CYRIB: variants seen among roughly 807,000 people sequenced by gnomAD.
CYRIB encodes CYFIP-related Rac1 interactor B.
Under a neutral mutation model 44.2 loss-of-function variants are expected in CYRIB, and 8 were observed. The ratio of observed to expected loss-of-function variants is 0.18; its 90% CI spans 0.11 to 0.33. The LOEUF (loss-of-function observed/expected upper bound fraction) is 0.33. Among genes scored for constraint, CYRIB ranks in the 10% least tolerant of loss-of-function variants. CYRIB has a pLI of 1.00. For missense variants in CYRIB, 185 were observed against 382.8 expected (o/e 0.48, Z 4.31); for synonymous variants, 131 against 127.2 (o/e 1.03, Z -0.20).
At chr8:129,857,951 G>A (rs1587490221) in intron 5 of CYRIB, among the ~76,000 whole-genome samples, 3 of 152,336 alleles carry the variant, frequency 2.0e-5, no homozygotes, top group East Asian at 1.9e-4. Context: ...GAGTCAGGTC[G>A]CTTGACTAAG....
intron 1 of CYRIB, among the ~76,000 whole-genome samples, chr8:129,927,775 A>C (rs2088779757): frequency 6.6e-6 from 1 of 152,242 alleles, no homozygotes; most frequent in Non-Finnish European, 1.5e-5. Flanking sequence ...AAGCTACAGT[A>C]ATCAAGCCAT....
In CYRIB at chr8:129,842,284, T is replaced by C. The variant is rs76219259; in HGVS notation, c.912-79A>G. The C allele has an allele frequency of 2.8e-4, 285 of 1,009,552 alleles. No individual in the cohort carries two copies. In the East Asian group the frequency reaches 5.8e-3, roughly 21 times the overall value. 62.5% of individuals were successfully genotyped at this position (1,009,552 alleles called of 1,614,324 possible). A position where few individuals can be genotyped will look rare whatever the true frequency, so the allele number is the denominator to read the frequency against. ...ATCGGGTTCTCTAATTATGACAGGA[T>C]GGAGAATTGGTCTCAGCAAAACTCA... is the stretch of plus-strand genomic sequence containing the variant. On this transcript the variant is annotated intron_variant, in intron 11 of 11. Coordinates refer to ENST00000519824, the Ensembl canonical transcript of CYRIB.
chr8:129,869,257 A>G (rs1417186278), intron 4 of CYRIB, among the ~76,000 whole-genome samples: 1 of 151,198 alleles, frequency 6.6e-6, no homozygotes, highest in Non-Finnish European at 1.5e-5. Context: ...ATGGTGGTGC[A>G]TGCCTGTAAT....
At chr8:129,914,367 A>G (rs1202080386) in intron 1 of CYRIB, among the ~76,000 whole-genome samples, 1 of 152,206 alleles carries the variant, frequency 6.6e-6, no homozygotes, top group East Asian at 1.9e-4. Flanking sequence ...AACATAAGAG[A>G]GTGGTTATGG....
At chr8:129,993,119 G>A (rs958616933) in intron 1 of CYRIB, among the ~76,000 whole-genome samples, 7 of 152,126 alleles carry the variant, frequency 4.6e-5, no homozygotes, top group Non-Finnish European at 1.0e-4. Flanking sequence ...CACCGGGCAC[G>A]GTGGCTCACG....
chr8:129,928,501 A>T (rs1369365200), intron 1 of CYRIB, among the ~76,000 whole-genome samples: 1 of 152,052 alleles, frequency 6.6e-6, no homozygotes, highest in Non-Finnish European at 1.5e-5. Context: ...CATTTCACCG[A>T]AACAGATGGA....
At chr8:129,970,559 G>A (rs1564509268) in intron 2 of CYRIB, 1 of 151,116 alleles carries the variant, frequency 6.6e-6, no homozygotes, top group Non-Finnish European at 1.5e-5. Flanking sequence ...AGTAAATTTT[G>A]TATTTTTAGT....
intron 2 of CYRIB, among the ~76,000 whole-genome samples, chr8:129,964,777 A>T (rs1564462071): frequency 6.6e-6 from 1 of 152,208 alleles, no homozygotes; most frequent in Non-Finnish European, 1.5e-5. Context: ...CCAGCTACTC[A>T]GGAGGCTGAG....
chr8:129,993,243 A>T (rs1294729381), intron 1 of CYRIB, among the ~76,000 whole-genome samples: 22 of 151,930 alleles, frequency 1.4e-4, no homozygotes, highest in Admixed American at 1.4e-3. Flanking sequence ...AATAAAAAAA[A>T]TTAGCTAGGT....
chr8:129,854,489 G>T, intron 6 of CYRIB, 146 bp from the exon 9 acceptor site: 1 of 592,590 alleles, frequency 1.7e-6, no homozygotes, highest in Non-Finnish European at 2.9e-6. Context: ...ATAATCCAAG[G>T]TGGCTTATAA....
rs1410549841 is a variant in CYRIB at position 129,903,624 on chromosome 8, C to T, written c.-49-274G>A. Among the ~76,000 whole-genome samples, 8 of 152,048 alleles carry T rather than the reference C, an allele frequency of 5.3e-5. No homozygotes were observed. The East Asian group carries it at 9.6e-4, about 18-fold the overall frequency. On this transcript the variant is annotated intron_variant, in intron 1 of 11. Transcript: ENST00000519824. ...ACATACTCAGAGAGTAAAAAGTGTA[C>T]GAAGACAAGTACACAATTCTCATCA...
chr8:129,872,730 C>A (rs990775846), intron 3 of CYRIB, among the ~76,000 whole-genome samples: 2 of 151,938 alleles, frequency 1.3e-5, no homozygotes, highest in African/African-American at 4.8e-5. Context: ...GAAGTAAGAA[C>A]GTTTTTAATA....
intron 5 of CYRIB, among the ~76,000 whole-genome samples, chr8:129,860,220 A>C (rs1331321043): frequency 6.6e-6 from 1 of 152,196 alleles, no homozygotes; most frequent in Non-Finnish European, 1.5e-5. Flanking sequence ...TAAAAATATA[A>C]CACTTAAGTC....
chr8:129,929,206 C>A (rs962020918), intron 1 of CYRIB, among the ~76,000 whole-genome samples: 1 of 151,568 alleles, frequency 6.6e-6, no homozygotes, highest in Non-Finnish European at 1.5e-5. Context: ...TAAGAAATGT[C>A]CAGGAAAGAA....
chr8:129,847,700 T>C (rs1366050785), intron 10 of CYRIB, among the ~76,000 whole-genome samples: 7 of 152,160 alleles, frequency 4.6e-5, no homozygotes, highest in Non-Finnish European at 1.0e-4. Context: ...TTGATGACGA[T>C]GGTATTTAAG....
intron 1 of CYRIB, among the ~76,000 whole-genome samples, chr8:129,910,584 G>A (rs1015785009): frequency 6.8e-6 from 1 of 147,884 alleles, no homozygotes; most frequent in Non-Finnish European, 1.5e-5. Context: ...GATCACTTAA[G>A]ACCAGGAGTT....
intron 2 of CYRIB, among the ~76,000 whole-genome samples, chr8:129,895,149 G>A (rs1379986962): frequency 6.8e-6 from 1 of 146,114 alleles, no homozygotes; most frequent in Non-Finnish European, 1.5e-5. Flanking sequence ...TGGGGGCAGG[G>A]GCAGGGGGAA....
chr8:129,976,917 C>T (rs535194737), intron 1 of CYRIB, among the ~76,000 whole-genome samples: 37 of 152,062 alleles, frequency 2.4e-4, no homozygotes, highest in African/African-American at 8.7e-4. Flanking sequence ...TCTCTGCTTA[C>T]TGTAACCTCC....
Position 129,993,723 on chromosome 8 carries a change from G to A in CYRIB, c.-296+22647C>T, listed in dbSNP as rs144881761. ...AAAAAAAAAAAAAAATTAGCCGGAC[G>A]TGGTGGTTCACACCAGTAGTCCCAG... On this transcript the variant is annotated intron_variant, in intron 1 of 14. Transcript: ENST00000401979. Among the ~76,000 whole-genome samples, 12 of 151,856 alleles carry A rather than the reference G, an allele frequency of 7.9e-5. No homozygotes were observed. In the East Asian group the frequency reaches 1.6e-3, roughly 20 times the overall value.
Sources: gnomAD v4.1 joint callset for allele counts (sites outside exome capture counted in the v4.1 genomes callset) on GRCh38, gnomAD v4.1.1 for gene constraint, MANE v1.5 for transcripts, NCBI Gene and HGNC (gene_info 2026-07-23, HGNC 2026-07-21) for gene names.